CSMD1: variants seen among roughly 807,000 people sequenced by gnomAD.
CSMD1 encodes CUB and sushi domain-containing protein 1.
CSMD1 carries 213 observed loss-of-function variants against 417.5 expected under a neutral mutation model. The ratio of observed to expected loss-of-function variants is 0.51; its 90% confidence interval spans 0.46 to 0.57. CSMD1 has a LOEUF of 0.57. Among genes scored for constraint, CSMD1 ranks in the 20% least tolerant of loss-of-function variants. The pLI is 0.00. For missense variants in CSMD1, 6,923 were observed against 4,529.7 expected (o/e 1.53, Z -15.17); for synonymous variants, 2,862 against 1,736.8 (o/e 1.65, Z -16.11).
chr8:3,091,414 GA>G (rs1814934706), intron 48 of CSMD1, 101 bp downstream of exon 48: 2 of 803,348 alleles, frequency 2.5e-6, no homozygotes, highest in African/African-American at 3.6e-5. Context: ...TAATCTTTAA[GA>G]ATTAGGATTA....
chr8:4,089,468 A>T (rs776596842), intron 3 of CSMD1, among the ~76,000 whole-genome samples: 1 of 152,206 alleles, frequency 6.6e-6, no homozygotes, highest in Non-Finnish European at 1.5e-5. Flanking sequence ...CATAGTTTTC[A>T]AAAAAGGTAA....
At chr8:3,826,150 A>AAGGCTCAACAAG (rs1802042326) in intron 5 of CSMD1, among the ~76,000 whole-genome samples, 2 of 152,136 alleles carry the variant, frequency 1.3e-5, no homozygotes, top group Admixed American at 6.5e-5. Flanking sequence ...GAATGAATAC[A>AAGGCTCAACAAG]TCAAAGTGAC....
chr8:3,627,095 T>G (rs1796529158), intron 7 of CSMD1, among the ~76,000 whole-genome samples: 1 of 152,130 alleles, frequency 6.6e-6, no homozygotes, highest in Non-Finnish European at 1.5e-5. Context: ...AGTTTAACAT[T>G]GTAATTAACC....
chr8:3,485,239 G>C (rs192587026), intron 11 of CSMD1, among the ~76,000 whole-genome samples: 2 of 152,136 alleles, frequency 1.3e-5, no homozygotes, highest in East Asian at 1.9e-4. Flanking sequence ...GGGAGGAAAC[G>C]ATTGCAGTAC....
intron 7 of CSMD1, among the ~76,000 whole-genome samples, chr8:3,643,644 T>G (rs1233414992): frequency 1.4e-5 from 2 of 139,226 alleles, no homozygotes; most frequent in East Asian, 2.1e-4. Context: ...GAGCTTGCAG[T>G]GAGCCGAGAT....
chr8:4,241,203 G>A (rs999777679), intron 3 of CSMD1, among the ~76,000 whole-genome samples: 16 of 152,082 alleles, frequency 1.1e-4, no homozygotes, highest in South Asian at 6.2e-4. Context: ...GTCAAACAAA[G>A]TCCATGACTT....
At chr8:4,582,649 G>C (rs577504108) in intron 2 of CSMD1, among the ~76,000 whole-genome samples, 297 of 152,360 alleles carry the variant, frequency 1.9e-3, no homozygotes, top group Non-Finnish European at 3.4e-3. Flanking sequence ...CTCATAGTGA[G>C]AGGTGACAGC....
chr8:4,940,174 G>T (rs1430129994), intron 1 of CSMD1, among the ~76,000 whole-genome samples: 1 of 152,112 alleles, frequency 6.6e-6, no homozygotes, highest in Admixed American at 6.5e-5. Context: ...GCAAGATATT[G>T]ACTGACCTAT....
chr8:4,548,220 A>G (rs1797717118), intron 2 of CSMD1, among the ~76,000 whole-genome samples: 1 of 152,230 alleles, frequency 6.6e-6, no homozygotes, highest in Non-Finnish European at 1.5e-5. Flanking sequence ...TTGGCATTTA[A>G]TAAAAAATGT....
At chr8:3,952,408 T>C (rs1233155786) in intron 5 of CSMD1, among the ~76,000 whole-genome samples, 1 of 152,242 alleles carries the variant, frequency 6.6e-6, no homozygotes, top group Non-Finnish European at 1.5e-5. Context: ...ATTAAAAATA[T>C]GTATGTTGAT....
chr8:3,981,829 A>G (rs1334884045), intron 5 of CSMD1, among the ~76,000 whole-genome samples: 6 of 152,178 alleles, frequency 3.9e-5, no homozygotes, highest in African/African-American at 1.4e-4. Flanking sequence ...TCAGTGAGTC[A>G]GCAGGAGGGC....
At chr8:4,051,712 G>A (rs930482765) in intron 3 of CSMD1, among the ~76,000 whole-genome samples, 4 of 152,096 alleles carry the variant, frequency 2.6e-5, no homozygotes, top group African/African-American at 4.8e-5. Context: ...AATCAACAGA[G>A]AAGGCAAGCA....
intron 12 of CSMD1, among the ~76,000 whole-genome samples, chr8:3,449,975 A>C (rs995032047): frequency 2.6e-5 from 4 of 152,218 alleles, no homozygotes; most frequent in Non-Finnish European, 5.9e-5. Context: ...AGCGTTTTAA[A>C]GTGGAAAAGC....
At chr8:4,338,024 C>G (rs946203551) in intron 3 of CSMD1, among the ~76,000 whole-genome samples, 1 of 152,044 alleles carries the variant, frequency 6.6e-6, no homozygotes, top group African/African-American at 2.4e-5. Context: ...AGTGGAAATG[C>G]AAAGATTTAT....
At chr8:4,452,874 CTG>C (rs1799233782) in intron 2 of CSMD1, among the ~76,000 whole-genome samples, 1 of 152,130 alleles carries the variant, frequency 6.6e-6, no homozygotes, top group South Asian at 2.1e-4. Context: ...GGAAGGCCGA[CTG>C]TGAAACAAAT....
chr8:4,337,904 C>T (rs893296750), intron 3 of CSMD1, among the ~76,000 whole-genome samples: 1 of 152,048 alleles, frequency 6.6e-6, no homozygotes, highest in African/African-American at 2.4e-5. Context: ...CAAAATGACC[C>T]CATCACTGAA....
chr8:4,714,157 A>AG (rs1563201256), intron 1 of CSMD1, among the ~76,000 whole-genome samples: 3 of 151,896 alleles, frequency 2.0e-5, no homozygotes, highest in Admixed American at 2.0e-4. Context: ...AAAGAAAAAA[A>AG]AAAGAATACC....
chr8:4,740,454 G>C (rs1369502210), intron 1 of CSMD1, among the ~76,000 whole-genome samples: 1 of 152,138 alleles, frequency 6.6e-6, no homozygotes, highest in African/African-American at 2.4e-5. Flanking sequence ...CAATCCTAGG[G>C]TAGAGACAGG....
intron 5 of CSMD1, among the ~76,000 whole-genome samples, chr8:3,842,290 C>A (rs1359933084): frequency 6.6e-6 from 1 of 152,114 alleles, no homozygotes; most frequent in Non-Finnish European, 1.5e-5. Flanking sequence ...GAGGTTCTTT[C>A]ACTTTTCATT....
Sources: allele counts gnomAD v4.1 joint callset (sites outside exome capture counted in the v4.1 genomes callset), GRCh38; gene constraint gnomAD v4.1.1; transcripts MANE v1.5; gene names NCBI Gene and HGNC (gene_info 2026-07-23, HGNC 2026-07-21).